Variants in SLC24A2 observed in about 807,000 individuals in gnomAD.
SLC24A2 encodes the protein solute carrier family 24 member 2.
Under a neutral mutation model 62.0 loss-of-function variants are expected in SLC24A2, and 36 were observed. That is an observed-to-expected ratio of 0.58 (90% CI 0.44 to 0.77). The LOEUF (loss-of-function observed/expected upper bound fraction) is 0.77, where lower values mean the gene tolerates loss of function less well. SLC24A2 is among the 30% of genes least tolerant of loss of function. SLC24A2 has a pLI of 0.00. For synonymous variants in SLC24A2, 358 were observed against 294.0 expected (o/e 1.22, Z -2.23); for missense variants, 846 against 817.9 (o/e 1.03, Z -0.42).
At chr9:19,960,562 C>T in the SLC24A2 span, among the ~76,000 whole-genome samples, 1 of 152,210 alleles carries the variant, frequency 6.6e-6, no homozygotes, top group Admixed American at 6.5e-5. Flanking sequence ...AGTTTCTCAC[C>T]CATAAAATGG....
the SLC24A2 span, among the ~76,000 whole-genome samples, chr9:20,063,580 C>G: frequency 3.9e-4 from 60 of 152,006 alleles, no homozygotes; most frequent in African/African-American, 1.4e-3. Context: ...CAGCATGGCA[C>G]ATGTATACAT....
the SLC24A2 span, among the ~76,000 whole-genome samples, chr9:19,813,804 A>G: frequency 3.9e-5 from 6 of 152,154 alleles, no homozygotes; most frequent in South Asian, 4.1e-4. Flanking sequence ...GAGACCATAA[A>G]GAGCTAGCTA....
At chr9:20,023,173 A>G in the SLC24A2 span, among the ~76,000 whole-genome samples, 2 of 152,336 alleles carry the variant, frequency 1.3e-5, no homozygotes, top group South Asian at 4.1e-4. Context: ...TTCATAATAG[A>G]TGTGAGTGAG....
At chr9:19,885,382 A>C in the SLC24A2 span, among the ~76,000 whole-genome samples, 2 of 152,218 alleles carry the variant, frequency 1.3e-5, no homozygotes, top group South Asian at 4.1e-4. Context: ...ACATGGAATC[A>C]TGGTTGTTTC....
the SLC24A2 span, among the ~76,000 whole-genome samples, chr9:19,826,911 T>G: frequency 2.0e-5 from 3 of 152,114 alleles, no homozygotes; most frequent in Non-Finnish European, 4.4e-5. Flanking sequence ...CATGTGTGAG[T>G]CCTGGGAGCA....
chr9:20,064,013 A>AT, the SLC24A2 span, among the ~76,000 whole-genome samples: 1 of 152,234 alleles, frequency 6.6e-6, no homozygotes, highest in Non-Finnish European at 1.5e-5. Flanking sequence ...ATGCACAAAG[A>AT]TTTGAACATA....
the SLC24A2 span, among the ~76,000 whole-genome samples, chr9:19,817,541 T>C: frequency 1.3e-5 from 2 of 151,914 alleles, no homozygotes; most frequent in East Asian, 3.9e-4. Context: ...TTCATGTATA[T>C]TAATTTTATA....
chr9:20,263,009 T>G, the SLC24A2 span, among the ~76,000 whole-genome samples: 1 of 151,916 alleles, frequency 6.6e-6, no homozygotes, highest in Non-Finnish European at 1.5e-5. Context: ...TAAATCAGGG[T>G]GGAATAAATA....
intron 2 of SLC24A2, among the ~76,000 whole-genome samples, chr9:19,741,852 T>C (rs1215296590): frequency 4.6e-5 from 7 of 152,210 alleles, no homozygotes; most frequent in Non-Finnish European, 7.3e-5. Flanking sequence ...CCCCACCCCA[T>C]GTAAGCAGAA....
At chr9:19,533,651 C>T (rs933873802) in intron 8 of SLC24A2, among the ~76,000 whole-genome samples, 22 of 152,196 alleles carry the variant, frequency 1.4e-4, no homozygotes, top group Non-Finnish European at 2.4e-4. Context: ...AGCCCTGTAC[C>T]AACCAGCTCC....
chr9:19,547,113 G>A (rs1209450054), intron 8 of SLC24A2, among the ~76,000 whole-genome samples: 2 of 152,156 alleles, frequency 1.3e-5, no homozygotes, highest in Non-Finnish European at 2.9e-5. Flanking sequence ...CTTAAGCACT[G>A]GCCAAGGCCC....
At chr9:19,950,727 G>C in the SLC24A2 span, among the ~76,000 whole-genome samples, 1 of 152,206 alleles carries the variant, frequency 6.6e-6, no homozygotes, top group South Asian at 2.1e-4. Context: ...GTGGGAAGTG[G>C]TCTGGAGATG....
chr9:19,622,747 C>A (rs541720679), intron 2 of SLC24A2, among the ~76,000 whole-genome samples: 2 of 152,002 alleles, frequency 1.3e-5, no homozygotes, highest in East Asian at 3.9e-4. Context: ...GAAAAAAATT[C>A]TGAAAGAATG....
At chr9:19,703,793 A>G (rs1820426144) in intron 2 of SLC24A2, among the ~76,000 whole-genome samples, 1 of 152,216 alleles carries the variant, frequency 6.6e-6, no homozygotes, top group Non-Finnish European at 1.5e-5. Context: ...CTATGGCTAC[A>G]TTTTATAGTC....
chr9:19,515,210 C>T lies in SLC24A2; in HGVS notation c.*943G>A, dbSNP rs1171591136. The T allele has an allele frequency of 6.6e-6, 1 of 152,088 alleles. No homozygotes were observed. The highest frequency in any genetic ancestry group is 1.5e-5 in the Non-Finnish European group (1 of 68,016). 9.4% of individuals were successfully genotyped at this position (152,088 alleles called of 1,614,324 possible). On this transcript the variant is annotated 3_prime_UTR_variant, in exon 11 of 11. Coordinates refer to ENST00000341998, the MANE Select transcript of SLC24A2 (RefSeq NM_020344.4). ...AAAAAGCACTAATTTGGTTTGTAGT[C>T]ATATTTTCTACTTGCATGCTGGGAC...
At chr9:19,532,169 A>G (rs1303343765) in intron 8 of SLC24A2, among the ~76,000 whole-genome samples, 5 of 152,146 alleles carry the variant, frequency 3.3e-5, no homozygotes, top group Non-Finnish European at 7.4e-5. Context: ...CATAACCTCC[A>G]CCTTGTGGGT....
intron 9 of SLC24A2, among the ~76,000 whole-genome samples, chr9:19,523,655 GT>G (rs1417654452): frequency 6.6e-6 from 1 of 152,010 alleles, no homozygotes; most frequent in African/African-American, 2.4e-5. Context: ...TAGAGATGGG[GT>G]TTCACCACGT....
chr9:19,621,585 T>C (rs1357983906), intron 3 of SLC24A2, among the ~76,000 whole-genome samples: 1 of 152,220 alleles, frequency 6.6e-6, no homozygotes, highest in East Asian at 1.9e-4. Flanking sequence ...AATCACTGTT[T>C]GATGGCTGAA....
In SLC24A2 at chr9:19,739,644, C is replaced by T. The variant is rs574027959; in HGVS notation, c.930+46293G>A. Among the ~76,000 whole-genome samples the T allele has an allele frequency of 5.3e-5, 8 of 152,162 alleles. No homozygotes were observed. In the South Asian group the frequency reaches 8.3e-4, roughly 16 times the overall value. On this transcript the variant is annotated intron_variant, in intron 2 of 10. Transcript: ENST00000341998. ...AGAAAAGAATTTCACCCCTATCTTACGTCATAAACAAAGGTCAATTGTAGG... is the reference window on the plus strand; with the variant it reads ...AGAAAAGAATTTCACCCCTATCTTATGTCATAAACAAAGGTCAATTGTAGG...
Sources: allele counts gnomAD v4.1 joint callset (sites outside exome capture counted in the v4.1 genomes callset), GRCh38; gene constraint gnomAD v4.1.1; transcripts MANE v1.5; gene names NCBI Gene and HGNC (gene_info 2026-07-23, HGNC 2026-07-21).